ABLIM3: variants seen among roughly 807,000 people sequenced by gnomAD.
ABLIM3 encodes the protein actin binding LIM protein family member 3.
ABLIM3 carries 61 observed loss-of-function variants against 109.5 expected under a neutral mutation model. That is an observed-to-expected ratio of 0.56 (90% CI 0.45 to 0.69). The LOEUF (loss-of-function observed/expected upper bound fraction) is 0.69, where lower values mean the gene tolerates loss of function less well. Among genes scored for constraint, ABLIM3 ranks in the 30% least tolerant of loss-of-function variants. The probability of loss-of-function intolerance (pLI) is 0.00; values close to 1 mark genes in which losing one functional copy is unlikely to be tolerated. For missense variants in ABLIM3, 796 were observed against 889.5 expected, an observed-to-expected ratio of 0.89 and a Z score of 1.34; for synonymous variants, 300 against 324.8, an observed-to-expected ratio of 0.92 and a Z score of 0.82.
At position 149,198,145 on chromosome 5, in the gene ABLIM3, C is replaced by A. The variant is rs117986539; in HGVS notation, c.152-74C>A. On this transcript the variant is annotated intron_variant, in intron 3 of 23. Coordinates refer to ENST00000309868, the MANE Select transcript of ABLIM3 (RefSeq NM_014945.5). The surrounding 1 kb of genome is among the most constrained non-coding windows in gnomAD (Gnocchi z 4.2). Reference sequence around the variant, plus strand: ...TGACACAGTGAGACACCAGCCTTTCCCCCAGCGAGGACCTTCTGCTTACAG... The same window carrying A: ...TGACACAGTGAGACACCAGCCTTTCACCCAGCGAGGACCTTCTGCTTACAG... 1 of 1,445,848 alleles carries A rather than the reference C, an allele frequency of 6.9e-7. No homozygotes were observed. The highest frequency in any genetic ancestry group is 2.3e-5 in the East Asian group (1 of 43,434). 89.6% of individuals were successfully genotyped at this position (1,445,848 alleles called of 1,614,324 possible).
chr5:149,239,276 A>G lies in ABLIM3; in HGVS notation c.1073A>G (p.Gln358Arg). 1.2e-6 allele frequency: 2 copies of G among 1,613,896 alleles called. No individual in the cohort carries two copies. Among genetic ancestry groups the G allele is most frequent in the African/African-American group, 1.3e-5 (1 of 75,010 alleles). Residue 358 changes from glutamine (Q) to arginine (R), a missense_variant and splice_region_variant, in exon 12 of 24, where the codon CAG becomes CGG. By Grantham distance (43) the Gln-to-Arg change is conservative (BLOSUM62 1). Coordinates refer to ENST00000309868, the MANE Select transcript of ABLIM3 (RefSeq NM_014945.5). The stretch of plus-strand genomic sequence containing the variant: ...CTGGGAACATTATCTCCCTACTCCC[A>G]GGTAATTCAGCTGATAGAGAATTAA... ...ESLGTLSPYS[Q>R]DIYENLDLRQ...
At position 149,151,459 on chromosome 5, in the gene ABLIM3, A is replaced by T. The variant is rs570975233; in HGVS notation, c.13+9351A>T. On this transcript the variant is annotated intron_variant, in intron 2 of 23. Coordinates refer to ENST00000309868, the MANE Select transcript of ABLIM3 (RefSeq NM_014945.5). ...GTTAAGGAAATGACTCCTCAAGGAG[A>T]TTTTCTTGTGTTTTGGTTTCCCCTG... is the stretch of plus-strand genomic sequence containing the variant. Among the ~76,000 whole-genome samples, 7 of 152,218 alleles carry T rather than the reference A, an allele frequency of 4.6e-5. No individual in the cohort carries two copies. The South Asian group carries it at 1.5e-3, about 32-fold the overall frequency.
intron 2 of ABLIM3, among the ~76,000 whole-genome samples, chr5:149,145,382 C>T (rs1752817198): frequency 6.6e-6 from 1 of 152,112 alleles, no homozygotes; most frequent in African/African-American, 2.4e-5. Context: ...TTTCTTTACC[C>T]AGTACACTGT....
chr5:149,212,497 G>A (rs7720472), intron 7 of ABLIM3, among the ~76,000 whole-genome samples: 2,918 of 152,244 alleles, frequency 0.019, 33 homozygotes, highest in Middle Eastern at 0.027. Context: ...GAAGCTGGAA[G>A]GGATGAGTGA....
At chr5:149,206,187 C>T (rs1209966197) in intron 5 of ABLIM3, among the ~76,000 whole-genome samples, 2 of 152,238 alleles carry the variant, frequency 1.3e-5, no homozygotes, top group Non-Finnish European at 2.9e-5. Context: ...CATTGAGCAA[C>T]AAGCTGATGC....
rs1324986496 is a variant in ABLIM3 at position 149,239,712 on chromosome 5, GCCCACTTAACAGCCAGCCATGCTCACAGC to G, written c.1075-42_1075-14del. 6.5e-7 allele frequency: 1 copy of G among 1,533,634 alleles called. No homozygotes were observed. Among genetic ancestry groups the G allele is most frequent in the Admixed American group, 2.1e-5 (1 of 47,670 alleles). On this transcript the variant is annotated intron_variant, in intron 12 of 23. Coordinates refer to ENST00000309868, the MANE Select transcript of ABLIM3 (RefSeq NM_014945.5). ...TGCCTGCTAGACCCTCGGGCCACAG[GCCCACTTAACAGCCAGCCATGCTCACAGC>G]CCCATTTCCTCTCCCAGGACATCTA...
intron 2 of ABLIM3, among the ~76,000 whole-genome samples, chr5:149,152,424 C>T (rs761574568): frequency 6.6e-6 from 1 of 152,174 alleles, no homozygotes; most frequent in Non-Finnish European, 1.5e-5. Context: ...TATTAATGTC[C>T]TCATGAAGTG....
rs200724498 is a variant in ABLIM3 at position 149,147,069 on chromosome 5, T to TTC, written c.13+4980_13+4981dup. Among the ~76,000 whole-genome samples the TTC allele has an allele frequency of 5.5e-3, 824 of 148,700 alleles. 9 individuals are homozygous for TTC. The highest frequency in any genetic ancestry group is 0.016 in the African/African-American group (645 of 40,692). Reference sequence around the variant, plus strand: ...ATATTCCTAGGGTTTCTCTCTCTCTTTCTCTCTCTCTCTCTCTCTCGCTCG... The same window carrying TTC: ...ATATTCCTAGGGTTTCTCTCTCTCTTTCTCTCTCTCTCTCTCTCTCTCGCTCG... On this transcript the variant is annotated intron_variant, in intron 2 of 23. Transcript: ENST00000309868.
chr5:149,212,332 G>T (rs1377084291), intron 7 of ABLIM3, among the ~76,000 whole-genome samples: 1 of 152,116 alleles, frequency 6.6e-6, no homozygotes, highest in Non-Finnish European at 1.5e-5. Flanking sequence ...GTTGTTGGGG[G>T]TGGGTTTCTG....
At position 149,260,481 on chromosome 5, in the gene ABLIM3, C is replaced by G. The variant is rs576617587; in HGVS notation, c.*2077C>G. The G allele has an allele frequency of 6.6e-6, 1 of 152,468 alleles. No homozygotes were observed. Among genetic ancestry groups the G allele is most frequent in the Admixed American group, 6.6e-5 (1 of 15,258 alleles). 9.4% of individuals were successfully genotyped at this position (152,468 alleles called of 1,614,324 possible). A position where few individuals can be genotyped will look rare whatever the true frequency, so the allele number is the denominator to read the frequency against. ...GTTTCTTGTGTGGGAGTGGAAATGA[C>G]TGACATGGGAAGAGGCTGAACCCTG... On this transcript the variant is annotated 3_prime_UTR_variant, in exon 24 of 24. Transcript: ENST00000309868.
intron 13 of ABLIM3, 54 bp from the exon 14 acceptor site, chr5:149,240,622 C>T: frequency 7.0e-7 from 1 of 1,419,572 alleles, no homozygotes. Context: ...CGCGTTAATG[C>T]CTGTTTTCTC....
intron 3 of ABLIM3, among the ~76,000 whole-genome samples, chr5:149,194,676 G>A (rs74513192): frequency 0.038 from 5,788 of 152,190 alleles, 335 homozygotes; most frequent in African/African-American, 0.13. Flanking sequence ...AAGCAGGCAC[G>A]GGACAATTGC....
At chr5:149,240,921 C>A in intron 14 of ABLIM3, 147 bp downstream of exon 14, 1 of 703,064 alleles carries the variant, frequency 1.4e-6, no homozygotes, top group Non-Finnish European at 2.5e-6. Flanking sequence ...CAACCCTGTC[C>A]TCCAACCCCA....
At chr5:149,163,060 C>A (rs781559032) in intron 2 of ABLIM3, among the ~76,000 whole-genome samples, 1 of 152,244 alleles carries the variant, frequency 6.6e-6, no homozygotes, top group Non-Finnish European at 1.5e-5. Flanking sequence ...GGGGCCAGAA[C>A]ACACAGGGCC....
At chr5:149,169,162 T>G (rs1017580942) in intron 2 of ABLIM3, among the ~76,000 whole-genome samples, 4 of 135,524 alleles carry the variant, frequency 3.0e-5, no homozygotes, top group Non-Finnish European at 6.1e-5. Context: ...AAAGCTTTCC[T>G]AACTGCGTAG....
chr5:149,212,680 A>T (rs1032951493), intron 7 of ABLIM3, among the ~76,000 whole-genome samples: 1 of 152,136 alleles, frequency 6.6e-6, no homozygotes, highest in African/African-American at 2.4e-5. Context: ...TGCACCAAAG[A>T]ATTATCTATT....
chr5:149,241,290 A>G (rs1752816873), intron 14 of ABLIM3, among the ~76,000 whole-genome samples: 1 of 152,226 alleles, frequency 6.6e-6, no homozygotes, highest in Non-Finnish European at 1.5e-5. Context: ...TTTACGTACT[A>G]ATGTAGGAAG....
intron 2 of ABLIM3, among the ~76,000 whole-genome samples, chr5:149,155,489 G>T (rs1753797452): frequency 6.6e-6 from 1 of 152,238 alleles, no homozygotes; most frequent in South Asian, 2.1e-4. Flanking sequence ...GGGAAGGAAA[G>T]AGTACAGAGG....
At chr5:149,154,043 C>T (rs180946045) in intron 2 of ABLIM3, among the ~76,000 whole-genome samples, 7 of 152,370 alleles carry the variant, frequency 4.6e-5, no homozygotes, top group Non-Finnish European at 1.0e-4. Context: ...CTCTTGCCCT[C>T]ACCAGGCCAG....
Sources: allele counts gnomAD v4.1 joint callset (sites outside exome capture counted in the v4.1 genomes callset), GRCh38; gene constraint gnomAD v4.1.1; non-coding constraint Gnocchi (gnomAD v3.1); transcripts MANE v1.5; gene names NCBI Gene and HGNC (gene_info 2026-07-23, HGNC 2026-07-21).